The following RRP15 variants were observed in gnomAD, a reference collection of about 807,000 sequenced individuals.
RRP15 encodes the protein RRP15-like protein.
RRP15 carries 18 observed loss-of-function variants against 27.1 expected under a neutral mutation model. The observed-to-expected ratio is 0.66, with a 90% confidence interval of 0.46 to 0.98. The LOEUF is 0.98. Among genes scored for constraint, RRP15 ranks in the 50% least tolerant of loss-of-function variants. RRP15 has a pLI of 0.00. For synonymous variants in RRP15, 107 were observed against 109.4 expected, an observed-to-expected ratio of 0.98 and a Z score of 0.14; for missense variants, 359 against 337.8, an observed-to-expected ratio of 1.06 and a Z score of -0.49.
intron 4 of RRP15, among the ~76,000 whole-genome samples, chr1:218,316,768 G>C (rs967384944): frequency 6.6e-6 from 1 of 152,112 alleles, no homozygotes; most frequent in African/African-American, 2.4e-5. Flanking sequence ...CCCTATATTG[G>C]TGCTTATTTT....
At chr1:218,315,611 AT>A (rs573084291) in intron 4 of RRP15, among the ~76,000 whole-genome samples, 3,514 of 133,388 alleles carry the variant, frequency 0.026, 118 homozygotes, top group African/African-American at 0.099. Context: ...TTATTATTTT[AT>A]TTTTTTTTTT....
intron 4 of RRP15, among the ~76,000 whole-genome samples, chr1:218,326,189 C>G (rs1175243754): frequency 1.3e-5 from 2 of 152,042 alleles, no homozygotes; most frequent in Non-Finnish European, 2.9e-5. Context: ...GCCTGTAATC[C>G]CAGCTACTCG....
At chr1:218,310,575 G>A (rs1655977887) in intron 4 of RRP15, among the ~76,000 whole-genome samples, 1 of 152,072 alleles carries the variant, frequency 6.6e-6, no homozygotes, top group African/African-American at 2.4e-5. Context: ...AGTGGTTTTG[G>A]TGTTTGGTTT....
At position 218,305,030 on chromosome 1, in the gene RRP15, T is replaced by C. The variant is rs148637979; in HGVS notation, c.408T>C (p.Arg136=). 5.0e-6 allele frequency: 8 copies of C among 1,612,786 alleles called. No individual in the cohort carries two copies. In the African/African-American group the frequency reaches 8.0e-5, roughly 16 times the overall value. ...ACATAACAATATTTATAACGCAGCG[T>C]GATAAGAGGCTGGAGTGGGAAATGA... ...KQERLEKIKQ[R]DKRLEWEMMC... is the part of the protein sequence containing the mutation. Residue 136 remains arginine (R), a splice_region_variant and synonymous_variant, in exon 3 of 5, where the codon CGT becomes CGC. Transcript: ENST00000366932.
At chr1:218,304,682 G>A (rs1433014385) in intron 2 of RRP15, among the ~76,000 whole-genome samples, 1 of 152,178 alleles carries the variant, frequency 6.6e-6, no homozygotes, top group African/African-American at 2.4e-5. Context: ...GGGTAGTTTG[G>A]AATTCTTCCT....
At chr1:218,287,562 A>T (rs1024650691) in intron 1 of RRP15, among the ~76,000 whole-genome samples, 2 of 152,306 alleles carry the variant, frequency 1.3e-5, no homozygotes, top group African/African-American at 4.8e-5. Context: ...TTTAGGAAAG[A>T]TATTAAACAC....
chr1:218,313,180 T>G (rs1051334685), intron 4 of RRP15, among the ~76,000 whole-genome samples: 1 of 152,158 alleles, frequency 6.6e-6, no homozygotes, highest in Non-Finnish European at 1.5e-5. Flanking sequence ...GCTCAGTTAG[T>G]GAAGATTTCA....
At chr1:218,312,352 C>G (rs751276630) in intron 4 of RRP15, among the ~76,000 whole-genome samples, 1 of 150,614 alleles carries the variant, frequency 6.6e-6, no homozygotes, top group Non-Finnish European at 1.5e-5. Context: ...CTTTTTGGAA[C>G]CTTTTAAGAC....
chr1:218,292,078 C>G (rs944337417), intron 1 of RRP15, among the ~76,000 whole-genome samples: 7 of 152,152 alleles, frequency 4.6e-5, no homozygotes, highest in Non-Finnish European at 8.8e-5. Flanking sequence ...TCAAGTGATC[C>G]TCCTGCCTCG....
intron 1 of RRP15, among the ~76,000 whole-genome samples, chr1:218,293,241 T>C (rs1655672733): frequency 1.3e-5 from 2 of 152,156 alleles, no homozygotes; most frequent in South Asian, 4.1e-4. Flanking sequence ...TGGTTAAAGA[T>C]GGGACAATTC....
intron 4 of RRP15, among the ~76,000 whole-genome samples, chr1:218,311,634 C>T (rs986118043): frequency 1.3e-5 from 2 of 152,184 alleles, no homozygotes; most frequent in African/African-American, 2.4e-5. Flanking sequence ...ATTGCTTTAT[C>T]CCCTTCCTGG....
intron 2 of RRP15, 175 bp downstream of exon 2, chr1:218,302,734 G>A (rs1655834345): frequency 4.1e-6 from 4 of 977,810 alleles, no homozygotes; most frequent in Non-Finnish European, 5.9e-6. Context: ...TTATTCCATT[G>A]AGCATGTTCA....
rs1656440396 is a variant in RRP15 at position 218,335,904 on chromosome 1, G to A, written c.*4813G>A. ...TGTAGGGTAACCATTGTCCTTAAATGTTAAGCCACTTAGTTAATAACAAAT... is the reference window on the plus strand; with the variant it reads ...TGTAGGGTAACCATTGTCCTTAAATATTAAGCCACTTAGTTAATAACAAAT... On this transcript the variant is annotated 3_prime_UTR_variant, in exon 5 of 5. Transcript: ENST00000366932. 1.3e-5 allele frequency: 2 copies of A among 152,058 alleles called. No individual in the cohort carries two copies. The highest frequency in any genetic ancestry group is 2.9e-5 in the Non-Finnish European group (2 of 68,000). The allele number at this position is 152,058 out of a possible 1,614,324, so 9.4% of individuals were successfully genotyped here.
chr1:218,297,536 C>G (rs954808828), intron 1 of RRP15, among the ~76,000 whole-genome samples: 1 of 152,130 alleles, frequency 6.6e-6, no homozygotes, highest in African/African-American at 2.4e-5. Context: ...AGACAGAAGA[C>G]TTAATGTCAG....
intron 4 of RRP15, among the ~76,000 whole-genome samples, chr1:218,318,718 ACT>A (rs1437756435): frequency 6.6e-6 from 1 of 151,910 alleles, no homozygotes; most frequent in African/African-American, 2.4e-5. Context: ...GCCAGTTTCC[ACT>A]TGGTTAAAGT....
chr1:218,302,119 G>T, intron 1 of RRP15, 175 bp from the exon 2 acceptor site: 1 of 537,740 alleles, frequency 1.9e-6, no homozygotes, highest in Non-Finnish European at 3.3e-6. Context: ...GGAGCTGATG[G>T]CAATGGGATA....
intron 1 of RRP15, among the ~76,000 whole-genome samples, chr1:218,296,360 A>G (rs1347008748): frequency 6.6e-6 from 1 of 152,172 alleles, no homozygotes; most frequent in Non-Finnish European, 1.5e-5. Context: ...ACTCATAGAA[A>G]TGTTGTGAAA....
At chr1:218,289,680 TC>T (rs1405045481) in intron 1 of RRP15, among the ~76,000 whole-genome samples, 2 of 151,710 alleles carry the variant, frequency 1.3e-5, no homozygotes, top group African/African-American at 4.8e-5. Context: ...CTTGCCCGCA[TC>T]TCTCTCTCTC....
chr1:218,312,654 G>A (rs2102505867), intron 4 of RRP15, among the ~76,000 whole-genome samples: 1 of 152,026 alleles, frequency 6.6e-6, no homozygotes, highest in Admixed American at 6.5e-5. Context: ...TGTTCTGGGT[G>A]GTACATATAT....
Sources: allele counts gnomAD v4.1 joint callset (sites outside exome capture counted in the v4.1 genomes callset), GRCh38; gene constraint gnomAD v4.1.1; transcripts MANE v1.5; gene names NCBI Gene and HGNC (gene_info 2026-07-23, HGNC 2026-07-21).